Variants in SIKE1 observed in about 807,000 individuals in gnomAD.
The protein encoded by SIKE1 is suppressor of IKK epsilon.
SIKE1 carries 13 observed loss-of-function variants against 25.8 expected under a neutral mutation model. That is an observed-to-expected ratio of 0.50 (90% CI 0.33 to 0.80). The LOEUF is 0.80. Ranked by LOEUF, SIKE1 falls within the 30% of genes least tolerant of loss-of-function variation. The probability of loss-of-function intolerance (pLI) is 0.02; values close to 1 mark genes in which losing one functional copy is unlikely to be tolerated. For missense variants in SIKE1, 222 were observed against 252.4 expected, an observed-to-expected ratio of 0.88 and a Z score of 0.82; for synonymous variants, 86 against 95.5, an observed-to-expected ratio of 0.90 and a Z score of 0.58.
rs1436431478 is a variant in SIKE1, at chr1:114,776,513, A to T, written c.409-54T>A. ...GAAAAATCACCTGTTCTGTAGATAT[A>T]AAGAACGTAAAAGCATGTGCATTAC... On this transcript the variant is annotated intron_variant, in intron 3 of 4. Coordinates refer to ENST00000060969, the MANE Select transcript of SIKE1 (RefSeq NM_025073.3). 248 of 1,096,958 alleles carry T rather than the reference A, an allele frequency of 2.3e-4. 5 individuals carry two copies. The South Asian group carries it at 3.0e-3, about 13-fold the overall frequency. 68.0% of individuals were successfully genotyped at this position (1,096,958 alleles called of 1,614,324 possible).
intron 1 of SIKE1, 52 bp from the exon 2 acceptor site, chr1:114,780,267 G>T: frequency 1.3e-6 from 2 of 1,558,302 alleles, no homozygotes; most frequent in Non-Finnish European, 8.8e-7. Flanking sequence ...AGCGGCAGAT[G>T]CAACTGAAGA....
chr1:114,776,497 C>A lies in SIKE1; in HGVS notation c.409-38G>T, dbSNP rs1269697092. The A allele has an allele frequency of 3.0e-6, 4 of 1,335,674 alleles. 1 individual carries two copies. The South Asian group carries it at 4.7e-5, about 16-fold the overall frequency. 82.7% of individuals were successfully genotyped at this position (1,335,674 alleles called of 1,614,324 possible). A position where few individuals can be genotyped will look rare whatever the true frequency, so the allele number is the denominator to read the frequency against. On this transcript the variant is annotated intron_variant, in intron 3 of 4. Coordinates refer to ENST00000060969, the MANE Select transcript of SIKE1 (RefSeq NM_025073.3). ...TAAGGAAACAAAGGTGGAAAAATCACCTGTTCTGTAGATATAAAGAACGTA... is the reference window on the plus strand; with the variant it reads ...TAAGGAAACAAAGGTGGAAAAATCAACTGTTCTGTAGATATAAAGAACGTA...
intron 2 of SIKE1, 125 bp downstream of exon 2, chr1:114,779,985 G>A (rs1662355554): frequency 1.5e-6 from 1 of 657,710 alleles, no homozygotes. Context: ...TTGTTACTGG[G>A]CCAGATCAGG....
At chr1:114,779,617 A>G (rs961063431) in intron 2 of SIKE1, among the ~76,000 whole-genome samples, 1 of 152,216 alleles carries the variant, frequency 6.6e-6, no homozygotes, top group Non-Finnish European at 1.5e-5. Context: ...ATAAAAATGA[A>G]GATATGAGAA....
At position 114,779,157 on chromosome 1, in the gene SIKE1, G is replaced by A. The variant is rs759589764; in HGVS notation, c.393C>T (p.His131=). 1.2e-6 allele frequency: 2 copies of A among 1,614,070 alleles called. No individual in the cohort carries two copies. Among genetic ancestry groups the A allele is most frequent in the Non-Finnish European group, 1.7e-6 (2 of 1,180,050 alleles). ...AVDAEPVLKA[H]QSHSAEIESQ... The stretch of plus-strand genomic sequence containing the variant: ...AGTTTCTTACTGCAGAGTGAGACTG[G>A]TGAGCTTTCAGGACTGGTTCAGCAT... Residue 131 remains histidine (H), a synonymous_variant, in exon 3 of 5, where the codon CAC becomes CAT. Coordinates refer to ENST00000060969, the MANE Select transcript of SIKE1 (RefSeq NM_025073.3).
chr1:114,778,062 T>A (rs1208050629), intron 3 of SIKE1, among the ~76,000 whole-genome samples: 1 of 152,240 alleles, frequency 6.6e-6, no homozygotes, highest in Non-Finnish European at 1.5e-5. Flanking sequence ...CTCTTCCAGA[T>A]GAAAGCCATT....
rs1175056858 is a variant in SIKE1 at position 114,779,417 on chromosome 1, CA to C, written c.266-134del. ...AGTTGTAAATCAATGTTTAAGTCCGCAAAACTGAACAGTTAAAGTCTATGTG... is the reference window on the plus strand; with the variant it reads ...AGTTGTAAATCAATGTTTAAGTCCGCAAACTGAACAGTTAAAGTCTATGTG... On this transcript the variant is annotated intron_variant, in intron 2 of 4. Transcript: ENST00000060969. 2.2e-5 allele frequency: 20 copies of C among 892,694 alleles called. No homozygotes were observed. In the African/African-American group the frequency reaches 3.0e-4, roughly 14 times the overall value. The allele number at this position is 892,694 out of a possible 1,614,324, so 55.3% of individuals were successfully genotyped here.
Position 114,769,944 on chromosome 1 carries a change from G to A in SIKE1, c.*4327C>T, listed in dbSNP as rs1006180807. 2.6e-5 allele frequency: 4 copies of A among 152,148 alleles called. No individual in the cohort carries two copies. Among genetic ancestry groups the A allele is most frequent in the African/African-American group, 9.7e-5 (4 of 41,442 alleles). 9.4% of individuals were successfully genotyped at this position (152,148 alleles called of 1,614,324 possible). A position where few individuals can be genotyped will look rare whatever the true frequency, so the allele number is the denominator to read the frequency against. On this transcript the variant is annotated 3_prime_UTR_variant, in exon 5 of 5. Transcript: ENST00000060969. Reference sequence around the variant, plus strand: ...ATAAGTCCCAAATTATGTATAAAGTGTTGATAAAATTTATATCTGCATGGC... The same window carrying A: ...ATAAGTCCCAAATTATGTATAAAGTATTGATAAAATTTATATCTGCATGGC...
intron 3 of SIKE1, 175 bp downstream of exon 3, chr1:114,778,967 C>T (rs569729761): frequency 1.1e-4 from 76 of 679,846 alleles, no homozygotes; most frequent in Admixed American, 6.2e-4. Flanking sequence ...AGAGGTGAGA[C>T]GATGGCTTGA....
chr1:114,770,967 C>T lies in SIKE1; in HGVS notation c.*3304G>A, dbSNP rs1236230215. On this transcript the variant is annotated 3_prime_UTR_variant, in exon 5 of 5. Transcript: ENST00000060969. ...TCAGGCAATTAAGTCAAGGGAAAAT[C>T]CATTTGGGATTTCTGAGAAAGCTTT... 1.3e-5 allele frequency: 2 copies of T among 152,200 alleles called. No individual in the cohort carries two copies. The highest frequency in any genetic ancestry group is 4.8e-5 in the African/African-American group (2 of 41,448). The allele number at this position is 152,200 out of a possible 1,614,324, so 9.4% of individuals were successfully genotyped here.
rs780432009 is a variant in SIKE1 at position 114,780,507 on chromosome 1, G to A, written c.101C>T (p.Ala34Val). The A allele has an allele frequency of 6.2e-7, 1 of 1,613,532 alleles. No individual in the cohort carries two copies. Among genetic ancestry groups the A allele is most frequent in the Admixed American group, 1.7e-5 (1 of 60,020 alleles). The change falls in exon 1 of 5, where the codon GCG becomes GTG. Residue 34 changes from alanine to valine, a missense_variant. Transcript: ENST00000060969. ...AAAESLVDQS[A>V]ALHRRVAAMR... ...AGCTGCTACCCGCCGGTGCAGCGCC[G>A]CCGACTGATCCACCAGCGACTCGGC... is the stretch of plus-strand genomic sequence containing the variant.
Position 114,780,292 on chromosome 1 carries a change from C to T in SIKE1, c.160-77G>A. On this transcript the variant is annotated intron_variant, in intron 1 of 4. Coordinates refer to ENST00000060969, the MANE Select transcript of SIKE1 (RefSeq NM_025073.3). The stretch of plus-strand genomic sequence containing the variant: ...GCAACTGAAGAGGCAGAAGTTAGGG[C>T]TCCAGGGCAGGATTCTCAGCCCCGA... 5 of 1,550,066 alleles carry T rather than the reference C, an allele frequency of 3.2e-6. 1 individual carries two copies. In the South Asian group the frequency reaches 4.5e-5, roughly 14 times the overall value.
At chr1:114,779,393 G>C in intron 2 of SIKE1, 109 bp from the exon 3 acceptor site, 1 of 1,163,892 alleles carries the variant, frequency 8.6e-7, no homozygotes, top group South Asian at 1.6e-5. Context: ...TGAATCTAAA[G>C]TTGTAAATCA....
At chr1:114,779,048 AC>A in intron 3 of SIKE1, 93 bp downstream of exon 3, 1 of 1,471,786 alleles carries the variant, frequency 6.8e-7, no homozygotes, top group Admixed American at 1.7e-5. Context: ...CAAGAGCCAG[AC>A]CCTATCTCAC....
At position 114,779,741 on chromosome 1, in the gene SIKE1, G is replaced by C. The variant is rs1487618360; in HGVS notation, c.265+369C>G. The stretch of plus-strand genomic sequence containing the variant: ...TATACCCTTAGAATAAAATTCTGCT[G>C]CTTCACCTTGCACAAACAAGAACAT... On this transcript the variant is annotated intron_variant, in intron 2 of 4. Transcript: ENST00000060969. Among the ~76,000 whole-genome samples, 3 of 152,156 alleles carry C rather than the reference G, an allele frequency of 2.0e-5. No homozygotes were observed. In the East Asian group the frequency reaches 5.8e-4, roughly 29 times the overall value.
At position 114,769,529 on chromosome 1, in the gene SIKE1, T is replaced by C. The variant is rs543685429; in HGVS notation, c.*4742A>G. On this transcript the variant is annotated 3_prime_UTR_variant, in exon 5 of 5. Coordinates refer to ENST00000060969, the MANE Select transcript of SIKE1 (RefSeq NM_025073.3). ...TATATATGTATGTATTCCTTAACAA[T>C]ATGTTGTATAACCCAACAATGAAAT... 6.6e-6 allele frequency: 1 copy of C among 152,272 alleles called. No homozygotes were observed. Among genetic ancestry groups the C allele is most frequent in the Admixed American group, 6.5e-5 (1 of 15,302 alleles). 9.4% of individuals were successfully genotyped at this position (152,272 alleles called of 1,614,324 possible).
At chr1:114,776,541 T>C in intron 3 of SIKE1, 82 bp from the exon 4 acceptor site, 1 of 881,948 alleles carries the variant, frequency 1.1e-6, no homozygotes, top group Non-Finnish European at 1.9e-6. Flanking sequence ...TGCATTACGA[T>C]TTTTAAAAGT....
Position 114,780,183 on chromosome 1 carries a change from C to T in SIKE1, c.192G>A (p.Met64Ile), listed in dbSNP as rs1472401922. ...GCAGAATGTGAGGTTTGTATTTGGA[C>T]ATGTCCTTCATATCGGATGCATCCT... ...YQEDASDMKD[M>I]SKYKPHILLS... The change falls in exon 2 of 5, where the codon ATG becomes ATA. Residue 64 changes from methionine to isoleucine, a missense_variant. Transcript: ENST00000060969. 1.7e-5 allele frequency: 28 copies of T among 1,613,766 alleles called. No individual in the cohort carries two copies. Among genetic ancestry groups the T allele is most frequent in the Non-Finnish European group, 2.4e-5 (28 of 1,179,878 alleles).
At chr1:114,777,021 T>C (rs998862603) in intron 3 of SIKE1, among the ~76,000 whole-genome samples, 6 of 152,180 alleles carry the variant, frequency 3.9e-5, no homozygotes, top group Non-Finnish European at 5.9e-5. Flanking sequence ...AAACACCGCA[T>C]GTTCTCACTC....
Sources: allele counts gnomAD v4.1 joint callset (sites outside exome capture counted in the v4.1 genomes callset), GRCh38; gene constraint gnomAD v4.1.1; transcripts MANE v1.5; gene names NCBI Gene and HGNC (gene_info 2026-07-23, HGNC 2026-07-21).